Variants in RFX7 observed in about 807,000 individuals in gnomAD.
RFX7 encodes the protein regulatory factor X7, also known as DNA-binding protein RFX7.
RFX7 carries 26 observed loss-of-function variants against 111.8 expected under a neutral mutation model. The observed-to-expected ratio is 0.23, with a 90% CI of 0.17 to 0.32. The LOEUF is 0.32. RFX7 is among the 10% of genes least tolerant of loss of function. The probability of loss-of-function intolerance (pLI) is 1.00; values close to 1 mark genes in which losing one functional copy is unlikely to be tolerated. For synonymous variants in RFX7, 624 were observed against 624.4 expected (o/e 1.00, Z 0.01); for missense variants, 1,573 against 1,772.9 (o/e 0.89, Z 2.02).
chr15:56,207,140 ATAAC>A (rs1567046407), intron 2 of RFX7, among the ~76,000 whole-genome samples: 2 of 152,190 alleles, frequency 1.3e-5, no homozygotes, highest in African/African-American at 2.4e-5. Context: ...TACTATTAAA[ATAAC>A]TATGTCAAAT....
Position 56,087,656 on chromosome 15 carries a change from AAAG to A in RFX7, c.*5686_*5688del, listed in dbSNP as rs1445908765. Reference sequence around the variant, plus strand: ...GCTAAAAATCAAGGACTTTTACAGTAAAGAAGAAGGGGAGAATGCATACTACTG... The same window carrying A: ...GCTAAAAATCAAGGACTTTTACAGTAAAGAAGGGGAGAATGCATACTACTG... On this transcript the variant is annotated 3_prime_UTR_variant, in exon 10 of 10. Transcript: ENST00000559447. 3 of 430,210 alleles carry A rather than the reference AAAG, an allele frequency of 7.0e-6. No individual in the cohort carries two copies. The highest frequency in any genetic ancestry group is 1.4e-5 in the Non-Finnish European group (3 of 213,416). The allele number at this position is 430,210 out of a possible 1,614,324, so 26.6% of individuals were successfully genotyped here.
intron 3 of RFX7, among the ~76,000 whole-genome samples, chr15:56,171,128 C>A (rs1297202456): frequency 6.6e-6 from 1 of 152,092 alleles, no homozygotes; most frequent in Non-Finnish European, 1.5e-5. Context: ...TAGGAATACA[C>A]AAAAATAGAG....
At chr15:56,100,344 A>G (rs1239809118) in intron 8 of RFX7, among the ~76,000 whole-genome samples, 7 of 152,246 alleles carry the variant, frequency 4.6e-5, no homozygotes, top group Non-Finnish European at 8.8e-5. Context: ...CATACAGTTT[A>G]CATGCAGACA....
intron 5 of RFX7, among the ~76,000 whole-genome samples, chr15:56,132,034 T>G (rs1410862779): frequency 6.6e-6 from 1 of 152,048 alleles, no homozygotes; most frequent in Non-Finnish European, 1.5e-5. Context: ...TACCGAGGAT[T>G]ATGTTAAAGG....
intron 5 of RFX7, among the ~76,000 whole-genome samples, chr15:56,130,381 A>G (rs543006992): frequency 6.6e-6 from 1 of 152,172 alleles, no homozygotes; most frequent in South Asian, 2.1e-4. Context: ...ATGAAAGTGT[A>G]AAGCAAAATA....
intron 2 of RFX7, among the ~76,000 whole-genome samples, chr15:56,234,971 A>G (rs1009461110): frequency 6.6e-6 from 1 of 152,234 alleles, no homozygotes; most frequent in Non-Finnish European, 1.5e-5. Context: ...GGAGTTGACG[A>G]AAGGTTCGTG....
chr15:56,187,361 T>C (rs934898790), intron 2 of RFX7, among the ~76,000 whole-genome samples: 1 of 151,902 alleles, frequency 6.6e-6, no homozygotes, highest in Non-Finnish European at 1.5e-5. Flanking sequence ...CAGGCGCATG[T>C]TGCCACACCT....
At position 56,094,754 on chromosome 15, in the gene RFX7, T is replaced by C; in HGVS notation, c.2974A>G (p.Ser992Gly). 6.2e-7 allele frequency: 1 copy of C among 1,613,472 alleles called. No homozygotes were observed. Among genetic ancestry groups the C allele is most frequent in the East Asian group, 2.2e-5 (1 of 44,872 alleles). ...SRLAQTTPVD[S>G]ALGSSRHTPI... ...GTATGTCGGCTACTTCCTAAAGCAC[T>C]ATCCACAGGTGTAGTCTGGGCTAGC... Residue 992 changes from serine (S) to glycine (G), a missense_variant, in exon 10 of 10, where the codon AGT becomes GGT. Coordinates refer to ENST00000559447, the MANE Select transcript of RFX7 (RefSeq NM_022841.7).
intron 5 of RFX7, among the ~76,000 whole-genome samples, chr15:56,106,591 T>A (rs1187741980): frequency 6.6e-6 from 1 of 152,222 alleles, no homozygotes; most frequent in African/African-American, 2.4e-5. Flanking sequence ...TACTCTTAAA[T>A]GATGGGTTAC....
chr15:56,163,997 G>A (rs1373320549), intron 3 of RFX7, among the ~76,000 whole-genome samples: 2 of 152,132 alleles, frequency 1.3e-5, no homozygotes, highest in Admixed American at 1.3e-4. Context: ...GTAGAACATA[G>A]GTAAGAAAAA....
intron 5 of RFX7, among the ~76,000 whole-genome samples, chr15:56,130,149 G>T (rs1427145462): frequency 6.6e-6 from 1 of 152,158 alleles, no homozygotes; most frequent in Non-Finnish European, 1.5e-5. Context: ...AATTTACTCA[G>T]TTGAAGATGA....
chr15:56,223,818 C>A (rs1429922834), intron 2 of RFX7, among the ~76,000 whole-genome samples: 1 of 151,998 alleles, frequency 6.6e-6, no homozygotes, highest in Non-Finnish European at 1.5e-5. Flanking sequence ...GTTTTTTCCC[C>A]CATTTAACAT....
At chr15:56,105,180 C>T (rs2140533546) in intron 5 of RFX7, among the ~76,000 whole-genome samples, 1 of 152,272 alleles carries the variant, frequency 6.6e-6, no homozygotes, top group African/African-American at 2.4e-5. Flanking sequence ...TCTTTCAAGT[C>T]TCTGCTTAAA....
At chr15:56,204,810 C>A (rs753917269) in intron 2 of RFX7, among the ~76,000 whole-genome samples, 1 of 152,068 alleles carries the variant, frequency 6.6e-6, no homozygotes, top group Non-Finnish European at 1.5e-5. Context: ...AAATCAAATG[C>A]GAGTCAGGGT....
Position 56,095,379 on chromosome 15 carries a change from T to C in RFX7, c.2349A>G (p.Gln783=), listed in dbSNP as rs2041659412. The C allele has an allele frequency of 1.9e-6, 3 of 1,613,652 alleles. No homozygotes were observed. Among genetic ancestry groups the C allele is most frequent in the Non-Finnish European group, 1.7e-6 (2 of 1,179,878 alleles). The change falls in exon 10 of 10, where the codon CAA becomes CAG. Residue 783 remains glutamine, a synonymous_variant. Coordinates refer to ENST00000559447, the MANE Select transcript of RFX7 (RefSeq NM_022841.7). The part of the protein sequence containing the change: ...SVGSFNPNGW[Q]QITKDSEFIS... ...TAAACTCAGAATCTTTAGTGATTTG[T>C]TGCCATCCATTTGGATTAAAGCTGC...
At chr15:56,151,320 T>C (rs1373435147) in intron 3 of RFX7, among the ~76,000 whole-genome samples, 1 of 152,110 alleles carries the variant, frequency 6.6e-6, no homozygotes, top group African/African-American at 2.4e-5. Flanking sequence ...AAAGGTCAGG[T>C]TACCCACAAA....
Position 56,093,469 on chromosome 15 carries a change from A to G in RFX7, c.4259T>C (p.Leu1420Pro). Residue 1420 changes from leucine (L) to proline (P), a missense_variant, in exon 10 of 10, where the codon CTG becomes CCG. Physicochemically the swap from Leu to Pro is moderately conservative, Grantham distance 98. This residue lies in a region of RFX7 where 411 missense variants were observed against 478.1 expected (regional missense o/e 0.86). Coordinates refer to ENST00000559447, the MANE Select transcript of RFX7 (RefSeq NM_022841.7). ...TAATGGGTCATTCTTTAATTCTTCC[A>G]GTGTAGCTTCATCATCTTGTCCCTG... ...RQQGQDDEAT[L>P]EELKNDPLFQ... 6.2e-7 allele frequency: 1 copy of G among 1,613,866 alleles called. No homozygotes were observed.
At chr15:56,169,299 A>ACTCTGC (rs2042816729) in intron 3 of RFX7, among the ~76,000 whole-genome samples, 1 of 152,170 alleles carries the variant, frequency 6.6e-6, no homozygotes, top group African/African-American at 2.4e-5. Flanking sequence ...GAACTTCAAT[A>ACTCTGC]CTCTGCCCTC....
At position 56,159,340 on chromosome 15, in the gene RFX7, G is replaced by A. The variant is rs184423583; in HGVS notation, c.196-14857C>T. On this transcript the variant is annotated intron_variant, in intron 3 of 9. Transcript: ENST00000559447. Reference sequence around the variant, plus strand: ...AAGGCATCTTTAAGAAATTCAGGACGTATTTCGCCTGGTAATCTCCACTAA... The same window carrying A: ...AAGGCATCTTTAAGAAATTCAGGACATATTTCGCCTGGTAATCTCCACTAA... Among the ~76,000 whole-genome samples the A allele has an allele frequency of 3.3e-4, 51 of 152,276 alleles. 1 individual carries two copies. In the East Asian group the frequency reaches 7.7e-3, roughly 23 times the overall value.
Sources: gnomAD v4.1 joint callset for allele counts (sites outside exome capture counted in the v4.1 genomes callset) on GRCh38, gnomAD v4.1.1 for gene constraint, gnomAD v4.1.1 regional missense constraint, MANE v1.5 for transcripts, NCBI Gene and HGNC (gene_info 2026-07-23, HGNC 2026-07-21) for gene names.